PINX1: variants seen among roughly 807,000 people sequenced by gnomAD.
PINX1 encodes the protein PIN2 (TERF1) interacting telomerase inhibitor 1, also known as PIN2/TERF1-interacting telomerase inhibitor 1.
A neutral mutation model predicts 25.4 loss-of-function variants in PINX1; 34 were observed. That is an observed-to-expected ratio of 1.34 (90% CI 1.02 to 1.78). PINX1 has a LOEUF of 1.78. PINX1 is among the 40% of genes most tolerant of loss of function. The pLI is 0.00. For synonymous variants in PINX1, 197 were observed against 147.7 expected (o/e 1.33, Z -2.42); for missense variants, 592 against 404.9 (o/e 1.46, Z -3.97).
Position 10,826,202 on chromosome 8 carries a change from T to C in PINX1, c.344A>G (p.Glu115Gly). Residue 115 changes from glutamate to glycine, a missense_variant, in exon 5 of 7, where the codon GAA (glutamate) becomes GGA (glycine). Coordinates refer to ENST00000314787, the MANE Select transcript of PINX1 (RefSeq NM_017884.6). Reference sequence around the variant, plus strand: ...ACGGTTTTTGGAGATTTTGGACTTTTCCTCAAGGCTAAAAGATTTCTTTTC... The same window carrying C: ...ACGGTTTTTGGAGATTTTGGACTTTCCCTCAAGGCTAAAAGATTTCTTTTC... ...KKEKKSFSLE[E>G]KSKISKNRVH... 1 of 1,598,916 alleles carries C rather than the reference T, an allele frequency of 6.3e-7. No individual in the cohort carries two copies. The highest frequency in any genetic ancestry group is 1.1e-5 in the South Asian group (1 of 89,218).
At chr8:10,801,668 G>A (rs997342489) in intron 6 of PINX1, among the ~76,000 whole-genome samples, 2 of 152,252 alleles carry the variant, frequency 1.3e-5, no homozygotes, top group East Asian at 3.9e-4. Context: ...TGACAGAGCT[G>A]GGACTTGAGC....
intron 6 of PINX1, 55 bp from the exon 7 acceptor site, chr8:10,765,971 C>T: frequency 6.4e-7 from 1 of 1,563,280 alleles, no homozygotes; most frequent in South Asian, 1.2e-5. Flanking sequence ...TCATCCCTCA[C>T]CGCACCCAGG....
chr8:10,788,606 T>C (rs947867765), intron 6 of PINX1, among the ~76,000 whole-genome samples: 1 of 151,858 alleles, frequency 6.6e-6, no homozygotes, highest in African/African-American at 2.4e-5. Context: ...TATCTATTGG[T>C]ATAATATCAT....
chr8:10,799,140 A>C (rs1449248705), intron 6 of PINX1, among the ~76,000 whole-genome samples: 1 of 147,022 alleles, frequency 6.8e-6, no homozygotes, highest in Non-Finnish European at 1.5e-5. Flanking sequence ...CTAGTTTGTC[A>C]ATTTTTTTTT....
At chr8:10,772,547 T>C (rs1801259357) in intron 6 of PINX1, among the ~76,000 whole-genome samples, 1 of 152,238 alleles carries the variant, frequency 6.6e-6, no homozygotes, top group Non-Finnish European at 1.5e-5. Context: ...ATCTTGTACA[T>C]TTTTCAAGAC....
chr8:10,836,689 G>T (rs1476169475), intron 1 of PINX1, among the ~76,000 whole-genome samples: 1 of 152,092 alleles, frequency 6.6e-6, no homozygotes, highest in East Asian at 1.9e-4. Context: ...AGGATGTTGG[G>T]GGGGCGGGGG....
At chr8:10,786,651 T>C (rs1801757961) in intron 6 of PINX1, among the ~76,000 whole-genome samples, 1 of 152,172 alleles carries the variant, frequency 6.6e-6, no homozygotes, top group South Asian at 2.1e-4. Context: ...TCCAAAGATC[T>C]GGGGCAGTTG....
chr8:10,794,341 T>C (rs1353074823), intron 6 of PINX1, among the ~76,000 whole-genome samples: 1 of 152,218 alleles, frequency 6.6e-6, no homozygotes, highest in Non-Finnish European at 1.5e-5. Context: ...AAAAGTAACT[T>C]TTGTTTATTC....
intron 6 of PINX1, among the ~76,000 whole-genome samples, chr8:10,778,280 T>C (rs987793917): frequency 6.6e-6 from 1 of 152,108 alleles, no homozygotes; most frequent in Non-Finnish European, 1.5e-5. Flanking sequence ...GAGTTTCCGA[T>C]TTTTGATTTA....
At chr8:10,787,756 T>C (rs954221307) in intron 6 of PINX1, 3 of 454,156 alleles carry the variant, frequency 6.6e-6, no homozygotes, top group African/African-American at 4.0e-5. Context: ...ACTGGGAAGG[T>C]GAAATCAACA....
At position 10,815,717 on chromosome 8, in the gene PINX1, T is replaced by C. The variant is rs76895570; in HGVS notation, c.471+4476A>G. Reference sequence around the variant, plus strand: ...ACCAGCAGGCTACAGATGACAAAACTGGTCACGATACCACTTTGTACTTAC... The same window carrying C: ...ACCAGCAGGCTACAGATGACAAAACCGGTCACGATACCACTTTGTACTTAC... On this transcript the variant is annotated intron_variant, in intron 6 of 6. Coordinates refer to ENST00000314787, the MANE Select transcript of PINX1 (RefSeq NM_017884.6). 2.4e-3 allele frequency among the ~76,000 whole-genome samples: 359 copies of C among 152,326 alleles called. 2 individuals carry two copies. The highest frequency in any genetic ancestry group is 8.4e-3 in the African/African-American group (350 of 41,574).
chr8:10,830,630 A>T (rs1256519315), intron 4 of PINX1, among the ~76,000 whole-genome samples: 2 of 152,250 alleles, frequency 1.3e-5, no homozygotes, highest in Non-Finnish European at 2.9e-5. Flanking sequence ...ATGCTTGCAG[A>T]TTACAACAAA....
At chr8:10,836,227 GA>G (rs1483886427) in intron 1 of PINX1, among the ~76,000 whole-genome samples, 1 of 151,784 alleles carries the variant, frequency 6.6e-6, no homozygotes, top group East Asian at 1.9e-4. Context: ...TACACAGGCA[GA>G]AAAAAAGGCC....
At chr8:10,833,796 A>C (rs1798306622) in intron 2 of PINX1, 1 of 162,514 alleles carries the variant, frequency 6.2e-6, no homozygotes, top group South Asian at 1.5e-4. Flanking sequence ...GGGAGGCAAG[A>C]GGGCGGAGGA....
At chr8:10,834,324 G>C (rs774429266) in intron 2 of PINX1, 14 of 208,350 alleles carry the variant, frequency 6.7e-5, no homozygotes, top group Non-Finnish European at 1.1e-4. Flanking sequence ...CCACTGATTT[G>C]GCACTTAGAG....
At chr8:10,780,711 GAC>G (rs1284595871) in intron 6 of PINX1, among the ~76,000 whole-genome samples, 1 of 151,820 alleles carries the variant, frequency 6.6e-6, no homozygotes, top group Non-Finnish European at 1.5e-5. Flanking sequence ...AACGAAAAAG[GAC>G]ACAGATAGAT....
Position 10,765,069 on chromosome 8 carries a change from C to CAT in PINX1, c.*331_*332insAT, listed in dbSNP as rs994666591. 8.1e-6 allele frequency: 2 copies of CAT among 247,428 alleles called. No individual in the cohort carries two copies. Among genetic ancestry groups the CAT allele is most frequent in the Non-Finnish European group, 1.5e-5 (2 of 130,334 alleles). The allele number at this position is 247,428 out of a possible 1,614,324, so 15.3% of individuals were successfully genotyped here. ...GGAGATAGTGACACACACACACACACACAGATGCGCACATGCACACACACG... is the reference window on the plus strand; with the variant it reads ...GGAGATAGTGACACACACACACACACATACAGATGCGCACATGCACACACACG... On this transcript the variant is annotated 3_prime_UTR_variant, in exon 7 of 7. Coordinates refer to ENST00000314787, the MANE Select transcript of PINX1 (RefSeq NM_017884.6).
chr8:10,817,262 C>G (rs1797726654), intron 6 of PINX1, among the ~76,000 whole-genome samples: 1 of 152,100 alleles, frequency 6.6e-6, no homozygotes, highest in African/African-American at 2.4e-5. Context: ...TCTGCAATGC[C>G]AAATATAAAT....
chr8:10,776,357 G>C (rs996238106), intron 6 of PINX1, among the ~76,000 whole-genome samples: 1 of 151,992 alleles, frequency 6.6e-6, no homozygotes, highest in African/African-American at 2.4e-5. Flanking sequence ...CCTGAGAAGC[G>C]GAGGTTGCAG....
Sources: allele counts gnomAD v4.1 joint callset (sites outside exome capture counted in the v4.1 genomes callset), GRCh38; gene constraint gnomAD v4.1.1; transcripts MANE v1.5; gene names NCBI Gene and HGNC (gene_info 2026-07-23, HGNC 2026-07-21).